Variants in ASXL2 observed in about 807,000 individuals in gnomAD.
ASXL2 encodes ASXL transcriptional regulator 2, also known as putative Polycomb group protein ASXL2.
A neutral mutation model predicts 122.0 loss-of-function variants in ASXL2; 23 were observed. That is an observed-to-expected ratio of 0.19 (90% CI 0.14 to 0.27). ASXL2 has a LOEUF of 0.27. Among genes scored for constraint, ASXL2 ranks in the 10% least tolerant of loss-of-function variants. The pLI, the probability that ASXL2 is intolerant of heterozygous loss-of-function variation, is 1.00. For synonymous variants in ASXL2, 650 were observed against 637.0 expected (o/e 1.02, Z -0.31); for missense variants, 1,518 against 1,713.8 (o/e 0.89, Z 2.02).
intron 2 of ASXL2, among the ~76,000 whole-genome samples, chr2:25,841,356 G>A (rs1401740913): frequency 3.9e-5 from 6 of 152,090 alleles, no homozygotes; most frequent in Non-Finnish European, 8.8e-5. Flanking sequence ...AATTATATAT[G>A]AATATGATCT....
chr2:25,820,938 G>A (rs1221064731), intron 3 of ASXL2, among the ~76,000 whole-genome samples: 3 of 152,240 alleles, frequency 2.0e-5, no homozygotes, highest in East Asian at 1.9e-4. Context: ...AGGCCTAGGC[G>A]GGCGGATCAC....
intron 12 of ASXL2, among the ~76,000 whole-genome samples, chr2:25,747,706 G>T (rs1286171734): frequency 6.6e-6 from 1 of 151,830 alleles, no homozygotes; most frequent in Non-Finnish European, 1.5e-5. Flanking sequence ...CAGGTCTGGA[G>T]ATAAGCTGTG....
At chr2:25,875,492 T>TATA (rs924404170) in intron 1 of ASXL2, among the ~76,000 whole-genome samples, 5 of 151,822 alleles carry the variant, frequency 3.3e-5, no homozygotes, top group Admixed American at 3.3e-4. Context: ...TAAATACAAT[T>TATA]ATAATAATAA....
chr2:25,865,641 G>A (rs2089894289), intron 1 of ASXL2, among the ~76,000 whole-genome samples: 1 of 150,228 alleles, frequency 6.7e-6, no homozygotes, highest in African/African-American at 2.4e-5. Context: ...CAGGCATGGT[G>A]GCGGGCGCCT....
At position 25,735,148 on chromosome 2, in the gene ASXL2, C is replaced by T. The variant is rs2087714760; in HGVS notation, c.*6881G>A. The stretch of plus-strand genomic sequence containing the variant: ...TCCTTTCTGGCTCTTTTCCTGGTTT[C>T]GCTTTTTCTTCCTGTTACAAGATCT... On this transcript the variant is annotated 3_prime_UTR_variant, in exon 13 of 13. Coordinates refer to ENST00000435504, the MANE Select transcript of ASXL2 (RefSeq NM_018263.6). The T allele has an allele frequency of 1.3e-5, 2 of 152,172 alleles. No homozygotes were observed. Among genetic ancestry groups the T allele is most frequent in the Admixed American group, 6.5e-5 (1 of 15,274 alleles). 9.4% of individuals were successfully genotyped at this position (152,172 alleles called of 1,614,324 possible).
chr2:25,768,271 G>C (rs2088387398), intron 7 of ASXL2, among the ~76,000 whole-genome samples: 1 of 152,202 alleles, frequency 6.6e-6, no homozygotes, highest in African/African-American at 2.4e-5. Context: ...TTTAAAGTCA[G>C]TCATTTATTT....
intron 3 of ASXL2, among the ~76,000 whole-genome samples, chr2:25,830,517 T>C (rs1469106536): frequency 1.3e-5 from 2 of 151,814 alleles, no homozygotes; most frequent in Non-Finnish European, 2.9e-5. Flanking sequence ...TCCCAGCTAC[T>C]TGGGAGGCTG....
intron 8 of ASXL2, among the ~76,000 whole-genome samples, chr2:25,761,530 G>A (rs1235608686): frequency 1.3e-5 from 2 of 151,790 alleles, no homozygotes; most frequent in East Asian, 1.9e-4. Flanking sequence ...AAAATCAGCC[G>A]GGCTTGGTGG....
chr2:25,751,782 A>G (rs2088049697), intron 11 of ASXL2, among the ~76,000 whole-genome samples: 1 of 152,132 alleles, frequency 6.6e-6, no homozygotes, highest in South Asian at 2.1e-4. Flanking sequence ...ATCAGTTTAT[A>G]GAACTCTTTT....
At chr2:25,822,223 G>GT (rs1424864125) in intron 3 of ASXL2, among the ~76,000 whole-genome samples, 3 of 152,186 alleles carry the variant, frequency 2.0e-5, no homozygotes. Flanking sequence ...AAATTTAACA[G>GT]TAAGTCCTCG....
At position 25,740,573 on chromosome 2, in the gene ASXL2, G is replaced by A. The variant is rs1441805635; in HGVS notation, c.*1456C>T. On this transcript the variant is annotated 3_prime_UTR_variant, in exon 13 of 13. Coordinates refer to ENST00000435504, the MANE Select transcript of ASXL2 (RefSeq NM_018263.6). ...GTTTATTTTAATGTTCCTTAACCAT[G>A]ACCTAAATATTATGTACTCACAATT... 1 of 229,740 alleles carries A rather than the reference G, an allele frequency of 4.4e-6. No individual in the cohort carries two copies. The highest frequency in any genetic ancestry group is 8.6e-6 in the Non-Finnish European group (1 of 116,142). The allele number at this position is 229,740 out of a possible 1,614,324, so 14.2% of individuals were successfully genotyped here.
In ASXL2 at chr2:25,742,802, C is replaced by G; in HGVS notation, c.3535G>C (p.Asp1179His). ...CCAGTACTTTCCTCATCAGTGTCAT[C>G]TTCTTTGCTGCTGCTACTCTCTCCT... is the stretch of plus-strand genomic sequence containing the variant. ...ATGESSSSKE[D>H]DTDEESTGDE... The change falls in exon 13 of 13, where the codon GAT (aspartate) becomes CAT (histidine). Residue 1179 changes from aspartate (D) to histidine (H), a missense_variant. Coordinates refer to ENST00000435504, the MANE Select transcript of ASXL2 (RefSeq NM_018263.6). The G allele has an allele frequency of 1.2e-6, 2 of 1,614,000 alleles. No homozygotes were observed. The highest frequency in any genetic ancestry group is 1.7e-6 in the Non-Finnish European group (2 of 1,179,902).
intron 6 of ASXL2, among the ~76,000 whole-genome samples, chr2:25,769,338 C>T (rs1455162449): frequency 1.3e-5 from 2 of 152,088 alleles, no homozygotes; most frequent in Admixed American, 6.5e-5. Context: ...ATTCAGTTTA[C>T]GCAGGCTTCA....
intron 1 of ASXL2, among the ~76,000 whole-genome samples, chr2:25,855,772 G>A (rs2089769308): frequency 6.6e-6 from 1 of 150,940 alleles, no homozygotes; most frequent in African/African-American, 2.4e-5. Flanking sequence ...GGAGGCAGAG[G>A]TTGCAGTGAG....
chr2:25,797,739 T>C (rs2088931666), intron 5 of ASXL2, among the ~76,000 whole-genome samples: 1 of 152,212 alleles, frequency 6.6e-6, no homozygotes, highest in South Asian at 2.1e-4. Context: ...CACTAAATGC[T>C]GACGAGGACA....
At chr2:25,857,780 T>C (rs1029173247) in intron 1 of ASXL2, among the ~76,000 whole-genome samples, 3 of 152,230 alleles carry the variant, frequency 2.0e-5, no homozygotes, top group Non-Finnish European at 4.4e-5. Flanking sequence ...TACTATATAC[T>C]GTAATTTACT....
In ASXL2 at chr2:25,766,022, T is replaced by A. The variant is rs1382897920; in HGVS notation, c.775+1561A>T. 2.0e-5 allele frequency among the ~76,000 whole-genome samples: 3 copies of A among 152,318 alleles called. No homozygotes were observed. In the East Asian group the frequency reaches 5.8e-4, roughly 29 times the overall value. ...TATTTTTTACAAAGCATTGTTTAAATTATTGTTAATTCTGTTCTCATTAGA... is the reference window on the plus strand; with the variant it reads ...TATTTTTTACAAAGCATTGTTTAAAATATTGTTAATTCTGTTCTCATTAGA... On this transcript the variant is annotated intron_variant, in intron 8 of 12. Coordinates refer to ENST00000435504, the MANE Select transcript of ASXL2 (RefSeq NM_018263.6).
intron 5 of ASXL2, among the ~76,000 whole-genome samples, chr2:25,798,181 G>C (rs114990919): frequency 0.011 from 1,599 of 152,286 alleles, 10 homozygotes; most frequent in Non-Finnish European, 0.018. Flanking sequence ...AGGGTGGTGT[G>C]GGGGAGGAGG....
intron 3 of ASXL2, chr2:25,810,734 T>C: frequency 3.3e-6 from 2 of 604,168 alleles, no homozygotes; most frequent in Non-Finnish European, 6.1e-6. Context: ...CACCAGTGTA[T>C]CAAGTCTTGC....
Sources: allele counts gnomAD v4.1 joint callset (sites outside exome capture counted in the v4.1 genomes callset), GRCh38; gene constraint gnomAD v4.1.1; transcripts MANE v1.5; gene names NCBI Gene and HGNC (gene_info 2026-07-23, HGNC 2026-07-21).